The following CDH4 variants were observed in gnomAD, a reference collection of about 807,000 sequenced individuals.
CDH4 encodes the protein cadherin-4.
In CDH4, 33 loss-of-function variants were observed where a neutral mutation model predicts 86.0. That is an observed-to-expected ratio of 0.38 (90% CI 0.29 to 0.51). The LOEUF is 0.51. Ranked by LOEUF, CDH4 falls within the 20% of genes least tolerant of loss-of-function variation. The pLI is 0.86. For missense variants in CDH4, 1,114 were observed against 1,307.4 expected, an observed-to-expected ratio of 0.85 and a Z score of 2.28; for synonymous variants, 555 against 549.4, an observed-to-expected ratio of 1.01 and a Z score of -0.14.
chr20:61,329,443 C>CCCCGTGGGTCTGGGACGCGGGT (rs2084558322), intron 2 of CDH4, among the ~76,000 whole-genome samples: 1 of 126,034 alleles, frequency 7.9e-6, no homozygotes, highest in Admixed American at 8.0e-5. Context: ...CCTCATGGTC[C>CCCCGTGGGTCTGGGACGCGGGT]CCCGTGGGTC....
In CDH4 at chr20:61,743,591, G is replaced by T; in HGVS notation, c.198G>T (p.Lys66Asn). ...AGTTCAGCAGCTGTGTGGGGACCAA[G>T]GGGACACAATATGAGACCAACAGCA... ...QVKFSSCVGT[K>N]GTQYETNSMD... The change falls in exon 3 of 16, where the codon AAG (lysine) becomes AAT (asparagine). Residue 66 changes from lysine to asparagine, a missense_variant. Physicochemically the swap from Lys to Asn is moderately conservative, Grantham distance 94. Around this residue, in one of 3 missense-constraint regions of CDH4, gnomAD observed 221 missense variants for 209.5 expected, o/e 1.05. Transcript: ENST00000614565. The T allele has an allele frequency of 6.4e-7, 1 of 1,573,858 alleles. No homozygotes were observed. The highest frequency in any genetic ancestry group is 2.3e-5 in the East Asian group (1 of 43,078).
chr20:61,693,345 C>T (rs2087679710), intron 2 of CDH4, among the ~76,000 whole-genome samples: 1 of 152,232 alleles, frequency 6.6e-6, no homozygotes, highest in Non-Finnish European at 1.5e-5. Context: ...CAATGCTGTG[C>T]TGGAAATGTG....
Position 61,480,474 on chromosome 20 carries a change from C to T in CDH4, c.169+225537C>T, listed in dbSNP as rs775795383. ...TTCGTCCAGGTTTTATCAAAGTGCC[C>T]GATGAGACATGTTCCCTGAGGAACC... On this transcript the variant is annotated intron_variant, in intron 2 of 15. Coordinates refer to ENST00000614565, the MANE Select transcript of CDH4 (RefSeq NM_001794.5). The surrounding 1 kb of genome is among the most constrained non-coding windows in gnomAD (Gnocchi z 5.2). Among the ~76,000 whole-genome samples, 1 of 152,230 alleles carries T rather than the reference C, an allele frequency of 6.6e-6. No homozygotes were observed. The highest frequency in any genetic ancestry group is 2.4e-5 in the African/African-American group (1 of 41,454).
intron 4 of CDH4, among the ~76,000 whole-genome samples, chr20:61,799,216 C>T (rs898822268): frequency 6.6e-6 from 1 of 152,116 alleles, no homozygotes; most frequent in South Asian, 2.1e-4. Context: ...GAGGAAATTA[C>T]GTGTGGAAAG....
intron 4 of CDH4, among the ~76,000 whole-genome samples, chr20:61,788,124 A>T (rs1168717958): frequency 6.6e-6 from 1 of 152,230 alleles, no homozygotes; most frequent in Admixed American, 6.5e-5. Flanking sequence ...CTGAGCTACC[A>T]GAAGGCCAGG....
At chr20:61,311,312 T>C (rs1391379343) in intron 2 of CDH4, among the ~76,000 whole-genome samples, 1 of 152,182 alleles carries the variant, frequency 6.6e-6, no homozygotes, top group East Asian at 1.9e-4. Flanking sequence ...AAAAGATGGA[T>C]CTGACTCAAT....
rs1446828582 is a variant in CDH4, at chr20:61,771,206, C to T, written c.397-1797C>T. Among the ~76,000 whole-genome samples, 4 of 151,416 alleles carry T rather than the reference C, an allele frequency of 2.6e-5. No individual in the cohort carries two copies. The South Asian group carries it at 6.3e-4, about 24-fold the overall frequency. ...TAGATTTTTAGTAGAGATGGGGTTT[C>T]ACCATGTTGGCCAGGCTGGTCTCGA... On this transcript the variant is annotated intron_variant, in intron 3 of 15. Transcript: ENST00000614565.
intron 11 of CDH4, among the ~76,000 whole-genome samples, chr20:61,927,340 G>GTT (rs1555860523): frequency 6.6e-6 from 1 of 151,742 alleles, no homozygotes; most frequent in Non-Finnish European, 1.5e-5. Context: ...CAAGGACTGA[G>GTT]CATGTGAAGA....
intron 2 of CDH4, among the ~76,000 whole-genome samples, chr20:61,279,266 C>T (rs2084246055): frequency 6.6e-6 from 1 of 152,208 alleles, no homozygotes; most frequent in African/African-American, 2.4e-5. Context: ...TAACCCTGCC[C>T]CAGTGGGGCT....
intron 2 of CDH4, among the ~76,000 whole-genome samples, chr20:61,620,170 A>ACGGATGAGTGGGTGGG (rs1352143303): frequency 3.7e-5 from 2 of 54,480 alleles, no homozygotes; most frequent in Non-Finnish European, 4.7e-5. Context: ...GGATGGATGG[A>ACGGATGAGTGGGTGGG]TGGATGGGTG....
intron 2 of CDH4, among the ~76,000 whole-genome samples, chr20:61,701,064 A>G (rs1253452348): frequency 6.6e-6 from 1 of 152,192 alleles, no homozygotes; most frequent in Non-Finnish European, 1.5e-5. Context: ...GGTTTGACGA[A>G]AGCCGTCAGA....
rs2087508157 is a variant in CDH4, at chr20:61,681,123, C to T, written c.170-62440C>T. Among the ~76,000 whole-genome samples the T allele has an allele frequency of 6.6e-6, 1 of 152,174 alleles. No homozygotes were observed. Among genetic ancestry groups the T allele is most frequent in the African/African-American group, 2.4e-5 (1 of 41,434 alleles). ...CGCTTGAGGGCATTGTGGATGTGGG[C>T]CCTCCAGAATTCAAGAAAATGTCTC... On this transcript the variant is annotated intron_variant, in intron 2 of 15. Coordinates refer to ENST00000614565, the MANE Select transcript of CDH4 (RefSeq NM_001794.5). The surrounding 1 kb of genome is among the most constrained non-coding windows in gnomAD (Gnocchi z 4.5).
intron 2 of CDH4, among the ~76,000 whole-genome samples, chr20:61,596,248 T>C (rs1347392457): frequency 6.6e-6 from 1 of 152,236 alleles, no homozygotes; most frequent in African/African-American, 2.4e-5. Flanking sequence ...ATGGAAGATG[T>C]AGCTATTGAC....
chr20:61,636,191 T>G (rs2086944850), intron 2 of CDH4, among the ~76,000 whole-genome samples: 1 of 152,212 alleles, frequency 6.6e-6, no homozygotes, highest in Non-Finnish European at 1.5e-5. Flanking sequence ...GCTGAAATTT[T>G]TAGGCAGTTT....
chr20:61,367,102 C>T (rs757022869), intron 2 of CDH4, among the ~76,000 whole-genome samples: 1 of 152,182 alleles, frequency 6.6e-6, no homozygotes, highest in Non-Finnish European at 1.5e-5. Flanking sequence ...CACCCAAGCC[C>T]TGACTGAGCA....
At chr20:61,261,768 G>A (rs1011474065) in intron 2 of CDH4, among the ~76,000 whole-genome samples, 2 of 152,228 alleles carry the variant, frequency 1.3e-5, no homozygotes, top group Non-Finnish European at 2.9e-5. Flanking sequence ...CAGGCACACA[G>A]GTATGTGCAG....
intron 2 of CDH4, among the ~76,000 whole-genome samples, chr20:61,489,461 T>C (rs1171011982): frequency 6.6e-6 from 1 of 152,244 alleles, no homozygotes; most frequent in African/African-American, 2.4e-5. Flanking sequence ...TGTTCAAACC[T>C]GCTTTTAATG....
At chr20:61,499,735 C>G (rs2145598520) in intron 2 of CDH4, among the ~76,000 whole-genome samples, 1 of 152,284 alleles carries the variant, frequency 6.6e-6, no homozygotes, top group Non-Finnish European at 1.5e-5. Flanking sequence ...CACCTCTGTG[C>G]TGAGCAGACA....
chr20:61,396,734 C>T (rs1009004421), intron 2 of CDH4, among the ~76,000 whole-genome samples: 1 of 152,170 alleles, frequency 6.6e-6, no homozygotes, highest in African/African-American at 2.4e-5. Context: ...GAAGGGGTAG[C>T]TTCTTCCTCC....
Sources: allele counts gnomAD v4.1 joint callset (sites outside exome capture counted in the v4.1 genomes callset), GRCh38; gene constraint gnomAD v4.1.1; regional missense constraint gnomAD v4.1.1; non-coding constraint Gnocchi (gnomAD v3.1); transcripts MANE v1.5; gene names NCBI Gene and HGNC (gene_info 2026-07-23, HGNC 2026-07-21).